The following ACLY variants were observed in gnomAD, a reference collection of about 807,000 sequenced individuals.
ACLY encodes ATP-citrate synthase.
In ACLY, 41 loss-of-function variants were observed where a neutral mutation model predicts 133.0. The ratio of observed to expected loss-of-function variants is 0.31; its 90% CI spans 0.24 to 0.40. The LOEUF (loss-of-function observed/expected upper bound fraction) is 0.40, where lower values mean the gene tolerates loss of function less well. Ranked by LOEUF, ACLY falls within the 10% of genes least tolerant of loss-of-function variation. The probability of loss-of-function intolerance (pLI) is 1.00; values close to 1 mark genes in which losing one functional copy is unlikely to be tolerated. For missense variants in ACLY, 1,046 were observed against 1,453.8 expected, an observed-to-expected ratio of 0.72 and a Z score of 4.56; for synonymous variants, 495 against 549.3, an observed-to-expected ratio of 0.90 and a Z score of 1.38.
rs1555631667 is a variant in ACLY, at chr17:41,901,789, A to C, written c.1090T>G (p.Tyr364Asp). 6.3e-7 allele frequency: 1 copy of C among 1,594,044 alleles called. No individual in the cohort carries two copies. Among genetic ancestry groups the C allele is most frequent in the Admixed American group, 1.7e-5 (1 of 57,578 alleles). Residue 364 changes from tyrosine to aspartate, a missense_variant, in exon 11 of 29, where the codon TAC becomes GAC. Around this residue, in one of 4 missense-constraint regions of ACLY, gnomAD observed 575 missense variants for 804.2 expected, o/e 0.71. Transcript: ENST00000352035. Reference sequence around the variant, plus strand: ...TCGTGCTCCTTCAGGGGGCCCTGGTAATCTCGAATTGCTCTCACGATGCCC... The same window carrying C: ...TCGTGCTCCTTCAGGGGGCCCTGGTCATCTCGAATTGCTCTCACGATGCCC... ...FKGIVRAIRDYQGPLKEHEVT... is the reference protein window; with the variant it reads ...FKGIVRAIRDDQGPLKEHEVT...
intron 23 of ACLY, 32 bp downstream of exon 23, chr17:41,873,779 G>A: frequency 6.6e-7 from 1 of 1,518,728 alleles, no homozygotes; most frequent in Non-Finnish European, 8.9e-7. Context: ...CTGAGCTGCA[G>A]GGCCCTGTAA....
Position 41,882,046 on chromosome 17 carries a change from T to C in ACLY, c.2265+1076A>G, listed in dbSNP as rs540606917. 1.6e-4 allele frequency among the ~76,000 whole-genome samples: 24 copies of C among 152,156 alleles called. 1 individual carries two copies. The South Asian group carries it at 4.4e-3, about 28-fold the overall frequency. On this transcript the variant is annotated intron_variant, in intron 20 of 28. Coordinates refer to ENST00000352035, the MANE Select transcript of ACLY (RefSeq NM_001096.3). Reference sequence around the variant, plus strand: ...TTTCCATTAGTTTGTGGATATGCCATGCTGACAGTCCCCTCCTGATAAGCA... The same window carrying C: ...TTTCCATTAGTTTGTGGATATGCCACGCTGACAGTCCCCTCCTGATAAGCA...
At chr17:41,905,814 G>C (rs2049698982) in intron 8 of ACLY, among the ~76,000 whole-genome samples, 156 bp from the exon 9 acceptor site, 1 of 152,212 alleles carries the variant, frequency 6.6e-6, no homozygotes, top group South Asian at 2.1e-4. Flanking sequence ...TGCAAGTCTG[G>C]CCTGCAGGTT....
At chr17:41,868,506 AG>A (rs2048518790) in intron 28 of ACLY, among the ~76,000 whole-genome samples, 1 of 151,392 alleles carries the variant, frequency 6.6e-6, no homozygotes, top group African/African-American at 2.4e-5. Context: ...GATAAAGATA[AG>A]GGGAAAGGTT....
At chr17:41,927,838 A>C (rs1397705077) in intron 1 of ACLY, among the ~76,000 whole-genome samples, 6 of 151,510 alleles carry the variant, frequency 4.0e-5, no homozygotes, top group Middle Eastern at 3.4e-3. Context: ...AAAAAAAAAA[A>C]CTCAATATTT....
intron 14 of ACLY, among the ~76,000 whole-genome samples, chr17:41,895,058 G>A (rs2049327701): frequency 6.6e-6 from 1 of 152,160 alleles, no homozygotes; most frequent in Non-Finnish European, 1.5e-5. Context: ...TGAGATCACA[G>A]AACAAGGGGA....
At chr17:41,876,326 C>G (rs1160012349) in intron 22 of ACLY, among the ~76,000 whole-genome samples, 8 of 149,750 alleles carry the variant, frequency 5.3e-5, no homozygotes, top group Non-Finnish European at 8.9e-5. Context: ...GCCGCCCCGT[C>G]CGGGAGGTGA....
intron 10 of ACLY, among the ~76,000 whole-genome samples, chr17:41,904,203 G>A (rs2049627597): frequency 8.4e-6 from 1 of 118,724 alleles, no homozygotes; most frequent in Admixed American, 8.7e-5. Flanking sequence ...GGGGAGGGAG[G>A]GAGGAAAGGA....
intron 7 of ACLY, 111 bp from the exon 8 acceptor site, chr17:41,906,757 G>A: frequency 1.0e-6 from 1 of 992,106 alleles, no homozygotes; most frequent in Admixed American, 1.9e-5. Context: ...GTGCCTTAAT[G>A]GGGTGGGAAG....
intron 6 of ACLY, 104 bp downstream of exon 6, chr17:41,908,885 T>C: frequency 1.1e-6 from 1 of 924,530 alleles, no homozygotes; most frequent in Non-Finnish European, 1.7e-6. Flanking sequence ...ATCTGTCTTG[T>C]GTTACCCTCT....
At chr17:41,873,753 G>T in intron 23 of ACLY, 58 bp downstream of exon 23, 1 of 1,473,606 alleles carries the variant, frequency 6.8e-7, no homozygotes, top group Non-Finnish European at 9.0e-7. Context: ...CCTTTGTTGG[G>T]GGAAAATCAT....
intron 16 of ACLY, among the ~76,000 whole-genome samples, chr17:41,888,301 C>T (rs955253398): frequency 4.6e-5 from 7 of 152,304 alleles, no homozygotes; most frequent in South Asian, 2.1e-4. Flanking sequence ...GCAGGTATTT[C>T]GGAAGCCCTG....
rs781912479 is a variant in ACLY, at chr17:41,872,223, G to A, written c.2643-41C>T. The A allele has an allele frequency of 5.0e-6, 8 of 1,587,994 alleles. No individual in the cohort carries two copies. The South Asian group carries it at 8.8e-5, about 18-fold the overall frequency. On this transcript the variant is annotated intron_variant, in intron 23 of 28. Coordinates refer to ENST00000352035, the MANE Select transcript of ACLY (RefSeq NM_001096.3). Reference sequence around the variant, plus strand: ...CAAAGGCCAGGAGATGGTCGACAAGGCCATGCTCGTACTTTCCCCCATCTC... The same window carrying A: ...CAAAGGCCAGGAGATGGTCGACAAGACCATGCTCGTACTTTCCCCCATCTC...
In ACLY at chr17:41,897,808, G is replaced by A. The variant is rs782787138; in HGVS notation, c.1370C>T (p.Ser457Phe). 4.3e-6 allele frequency: 7 copies of A among 1,613,492 alleles called. No homozygotes were observed. The East Asian group carries it at 1.3e-4, about 31-fold the overall frequency. ...CGCCACCTCATCGGCCCTGGACTCAGAAAAAGATGCTGTCCTGCTGGGGGC... is the reference window on the plus strand; with the variant it reads ...CGCCACCTCATCGGCCCTGGACTCAAAAAAAGATGCTGTCCTGCTGGGGGC... ...TPAPSRTASFSESRADEVAPA... is the reference protein window; with the variant it reads ...TPAPSRTASFFESRADEVAPA... The change falls in exon 13 of 29, where the codon TCT (serine) becomes TTT (phenylalanine). Residue 457 changes from serine to phenylalanine, a missense_variant. By Grantham distance (155) the Ser-to-Phe change is radical. Around this residue, in one of 4 missense-constraint regions of ACLY, gnomAD observed 575 missense variants for 804.2 expected, o/e 0.71. Transcript: ENST00000352035.
intron 22 of ACLY, among the ~76,000 whole-genome samples, chr17:41,876,274 C>T (rs1358829737): frequency 4.6e-5 from 7 of 151,134 alleles, no homozygotes; most frequent in Non-Finnish European, 8.8e-5. Flanking sequence ...CCAGCCGCCC[C>T]GTCCGGGAGG....
chr17:41,926,681 GT>G (rs1445812198), intron 1 of ACLY, among the ~76,000 whole-genome samples: 3 of 151,818 alleles, frequency 2.0e-5, no homozygotes, highest in African/African-American at 7.3e-5. Context: ...TAGAGACAGG[GT>G]TTCACCATGT....
At chr17:41,926,470 T>C (rs2050244848) in intron 1 of ACLY, among the ~76,000 whole-genome samples, 1 of 152,200 alleles carries the variant, frequency 6.6e-6, no homozygotes, top group South Asian at 2.1e-4. Flanking sequence ...ACATTATGAT[T>C]GGTATTTTAT....
chr17:41,887,834 A>G, intron 16 of ACLY, 131 bp from the exon 17 acceptor site: 1 of 732,142 alleles, frequency 1.4e-6, no homozygotes, highest in Non-Finnish European at 2.4e-6. Context: ...TAATGTTAAC[A>G]ATATGCATAT....
At chr17:41,908,701 T>C (rs1208183916) in intron 6 of ACLY, among the ~76,000 whole-genome samples, 4 of 152,128 alleles carry the variant, frequency 2.6e-5, no homozygotes, top group Non-Finnish European at 5.9e-5. Flanking sequence ...GAGGCGGAGA[T>C]TGCAGTGAGC....
Sources: allele counts gnomAD v4.1 joint callset (sites outside exome capture counted in the v4.1 genomes callset), GRCh38; gene constraint gnomAD v4.1.1; regional missense constraint gnomAD v4.1.1; transcripts MANE v1.5; gene names NCBI Gene and HGNC (gene_info 2026-07-23, HGNC 2026-07-21).